The following GABRG3 variants were observed in gnomAD, a reference collection of about 807,000 sequenced individuals.
The protein encoded by GABRG3 is gamma-aminobutyric acid type A receptor subunit gamma3, also known as gamma-aminobutyric acid receptor subunit gamma-3.
A neutral mutation model predicts 48.8 loss-of-function variants in GABRG3; 25 were observed. That is an observed-to-expected ratio of 0.51 (90% CI 0.37 to 0.72). The LOEUF is 0.72. Ranked by LOEUF, GABRG3 falls within the 30% of genes least tolerant of loss-of-function variation. GABRG3 has a pLI of 0.00. For synonymous variants in GABRG3, 227 were observed against 217.6 expected (o/e 1.04, Z -0.38); for missense variants, 394 against 577.9 (o/e 0.68, Z 3.26).
At position 27,432,237 on chromosome 15, in the gene GABRG3, G is replaced by A. The variant is rs74006938; in HGVS notation, c.575-48413G>A. On this transcript the variant is annotated intron_variant, in intron 5 of 9. Transcript: ENST00000615808. The stretch of plus-strand genomic sequence containing the variant: ...GTATAGTATATACAAGCTTTGTTTC[G>A]ATATGGCTAGCTGCTTTCCTTCATC... Among the ~76,000 whole-genome samples the A allele has an allele frequency of 1.8e-3, 267 of 152,208 alleles. 2 individuals carry two copies. Among genetic ancestry groups the A allele is most frequent in the African/African-American group, 6.0e-3 (251 of 41,536 alleles).
intron 3 of GABRG3, chr15:27,161,304 A>G (rs1346430383): frequency 6.6e-6 from 1 of 152,180 alleles, no homozygotes; most frequent in East Asian, 1.9e-4. Flanking sequence ...TCAGAGACAA[A>G]GGACATTGTT....
intron 7 of GABRG3, 34 bp from the exon 8 acceptor site, chr15:27,527,399 C>G: frequency 6.3e-7 from 1 of 1,594,968 alleles, no homozygotes; most frequent in South Asian, 1.1e-5. Flanking sequence ...GCGTGTTGCA[C>G]CCTTTTACAA....
rs146561147 is a variant in GABRG3 at position 27,352,256 on chromosome 15, C to T, written c.574+23368C>T. Among the ~76,000 whole-genome samples the T allele has an allele frequency of 6.6e-6, 1 of 151,888 alleles. No individual in the cohort carries two copies. Among genetic ancestry groups the T allele is most frequent in the East Asian group, 1.9e-4 (1 of 5,148 alleles). On this transcript the variant is annotated intron_variant, in intron 5 of 9. Coordinates refer to ENST00000615808, the MANE Select transcript of GABRG3 (RefSeq NM_033223.5). The surrounding 1 kb of genome is among the most constrained non-coding windows in gnomAD (Gnocchi z 4.0). ...TCTGCCAGACCGTTCAGCTAATCTC[C>T]GTCTCGCGCTCACTGTTCACAGCGT...
chr15:27,081,143 G>C lies in GABRG3; in HGVS notation c.270+54322G>C, dbSNP rs1297121171. 2.0e-5 allele frequency among the ~76,000 whole-genome samples: 3 copies of C among 152,170 alleles called. No individual in the cohort carries two copies. In the East Asian group the frequency reaches 5.8e-4, roughly 29 times the overall value. On this transcript the variant is annotated intron_variant, in intron 3 of 9. Transcript: ENST00000615808. ...GACTCCTGAGCAGTAATAAATGGCT[G>C]TTGCTTTAAGCCAGTGAGTGTTGGT...
At chr15:27,437,032 A>AGC (rs1555382029) in intron 5 of GABRG3, among the ~76,000 whole-genome samples, 5 of 144,952 alleles carry the variant, frequency 3.4e-5, no homozygotes, top group Admixed American at 6.8e-5. Flanking sequence ...AGAGAGAGAG[A>AGC]GCGCCCACAT....
chr15:27,515,991 GT>G, intron 6 of GABRG3, among the ~76,000 whole-genome samples: 2 of 151,830 alleles, frequency 1.3e-5, no homozygotes, highest in South Asian at 4.2e-4. Flanking sequence ...AAGATGCTAT[GT>G]TGCTGTCAAA....
chr15:27,249,198 C>G (rs1869601), intron 3 of GABRG3, among the ~76,000 whole-genome samples: 2,867 of 152,274 alleles, frequency 0.019, 47 homozygotes, highest in Middle Eastern at 0.041. Context: ...ACCCAGATAC[C>G]CTGGGAGTGC....
intron 3 of GABRG3, among the ~76,000 whole-genome samples, chr15:27,139,016 TAGATAGAC>T (rs1394628185): frequency 1.3e-5 from 2 of 151,966 alleles, no homozygotes; most frequent in South Asian, 2.1e-4. Context: ...GATAGATAGA[TAGATAGAC>T]AGACAGACAG....
At chr15:27,078,747 A>G (rs904603928) in intron 3 of GABRG3, among the ~76,000 whole-genome samples, 4 of 152,218 alleles carry the variant, frequency 2.6e-5, no homozygotes, top group African/African-American at 9.6e-5. Flanking sequence ...CATGAGGACC[A>G]TATTAAGGGC....
Position 27,249,124 on chromosome 15 carries a change from T to C in GABRG3, c.271-77685T>C, listed in dbSNP as rs112837165. On this transcript the variant is annotated intron_variant, in intron 3 of 9. Coordinates refer to ENST00000615808, the MANE Select transcript of GABRG3 (RefSeq NM_033223.5). Reference sequence around the variant, plus strand: ...ACCTGGGTGATGTGGGCTGTTGAAGTGACTGGACTCAGGTGATGCGGCTGC... The same window carrying C: ...ACCTGGGTGATGTGGGCTGTTGAAGCGACTGGACTCAGGTGATGCGGCTGC... Among the ~76,000 whole-genome samples, 1,358 of 152,218 alleles carry C rather than the reference T, an allele frequency of 8.9e-3. 13 individuals carry two copies. The highest frequency in any genetic ancestry group is 0.031 in the African/African-American group (1,307 of 41,534).
chr15:27,487,984 C>T (rs935131142), intron 6 of GABRG3, among the ~76,000 whole-genome samples: 1 of 152,140 alleles, frequency 6.6e-6, no homozygotes, highest in Admixed American at 6.5e-5. Context: ...AATGCGAGGG[C>T]GAGCCGTCCT....
chr15:26,975,825 G>A lies in GABRG3; in HGVS notation c.54-1177G>A, dbSNP rs1389371000. 3.3e-5 allele frequency among the ~76,000 whole-genome samples: 5 copies of A among 152,134 alleles called. No individual in the cohort carries two copies. Among genetic ancestry groups the A allele is most frequent in the Non-Finnish European group, 7.4e-5 (5 of 68,026 alleles). On this transcript the variant is annotated intron_variant, in intron 1 of 9. Transcript: ENST00000615808. The surrounding 1 kb of genome is among the most constrained non-coding windows in gnomAD (Gnocchi z 4.6). ...GTTCATATACAGTCAGGACAAATCCGCTTCCGTGCAGTTTTCAATTCTTTT... is the reference window on the plus strand; with the variant it reads ...GTTCATATACAGTCAGGACAAATCCACTTCCGTGCAGTTTTCAATTCTTTT...
At chr15:27,252,832 A>G (rs1010997926) in intron 3 of GABRG3, among the ~76,000 whole-genome samples, 2 of 152,362 alleles carry the variant, frequency 1.3e-5, no homozygotes, top group Non-Finnish European at 2.9e-5. Flanking sequence ...AAATAATTGC[A>G]CAGCACACTG....
At chr15:27,094,030 A>G (rs1897234609) in intron 3 of GABRG3, among the ~76,000 whole-genome samples, 1 of 152,222 alleles carries the variant, frequency 6.6e-6, no homozygotes, top group Non-Finnish European at 1.5e-5. Flanking sequence ...GGTTTTATGC[A>G]TGCAGATCAC....
intron 2 of GABRG3, among the ~76,000 whole-genome samples, chr15:26,988,749 A>C (rs1044984614): frequency 2.6e-5 from 4 of 151,610 alleles, no homozygotes; most frequent in Admixed American, 1.3e-4. Context: ...TATTTTCCTA[A>C]TTAGCCGTAA....
At chr15:27,482,770 T>C (rs999903745) in intron 6 of GABRG3, among the ~76,000 whole-genome samples, 4 of 152,242 alleles carry the variant, frequency 2.6e-5, no homozygotes, top group Non-Finnish European at 5.9e-5. Context: ...AGGGAACTTA[T>C]CTGTGAAATG....
chr15:27,383,117 G>A (rs985206518), intron 5 of GABRG3, among the ~76,000 whole-genome samples: 2 of 152,108 alleles, frequency 1.3e-5, no homozygotes, highest in East Asian at 1.9e-4. Context: ...AAAGCAGCCC[G>A]GGACTCCGTG....
At chr15:27,317,747 A>AAAATCAAAAAATTTTTAGCT (rs1442975103) in intron 3 of GABRG3, among the ~76,000 whole-genome samples, 1 of 152,158 alleles carries the variant, frequency 6.6e-6, no homozygotes, top group Non-Finnish European at 1.5e-5. Flanking sequence ...GAAAAATCAA[A>AAAATCAAAAAATTTTTAGCT]CCTTTTGGAG....
intron 3 of GABRG3, among the ~76,000 whole-genome samples, chr15:27,135,357 AT>A (rs1055257699): frequency 6.6e-6 from 1 of 152,146 alleles, no homozygotes; most frequent in African/African-American, 2.4e-5. Flanking sequence ...ATGAGGGCTA[AT>A]TTCCTAAGTG....
Sources: allele counts gnomAD v4.1 joint callset (sites outside exome capture counted in the v4.1 genomes callset), GRCh38; gene constraint gnomAD v4.1.1; non-coding constraint Gnocchi (gnomAD v3.1); transcripts MANE v1.5; gene names NCBI Gene and HGNC (gene_info 2026-07-23, HGNC 2026-07-21).